The following KCP variants were observed in gnomAD, a reference collection of about 807,000 sequenced individuals.
KCP encodes kielin/chordin-like protein.
A neutral mutation model predicts 212.7 loss-of-function variants in KCP; 194 were observed. That is an observed-to-expected ratio of 0.91 (90% CI 0.81 to 1.03). The LOEUF is 1.03. Among genes scored for constraint, KCP ranks in the 50% least tolerant of loss-of-function variants. The pLI is 0.00. For missense variants in KCP, 2,080 were observed against 2,162.5 expected (o/e 0.96, Z 0.76); for synonymous variants, 833 against 865.3 (o/e 0.96, Z 0.65).
At position 128,893,846 on chromosome 7, in the gene KCP, G is replaced by T. The variant is rs749428911; in HGVS notation, c.1059C>A (p.His353Gln). The T allele has an allele frequency of 1.3e-6, 2 of 1,551,328 alleles. No homozygotes were observed. The highest frequency in any genetic ancestry group is 4.9e-5 in the East Asian group (2 of 40,920). The stretch of plus-strand genomic sequence containing the variant: ...AGCACTGCCCAGGGATCTTGCCTGG[G>T]TGTCTGCAGGGCACTGGCGGGCAGG... The part of the protein sequence containing the change: ...PLPCPPVPCR[H>Q]PGKIPGQCCP... The change falls in exon 11 of 40, where the codon CAC (histidine) becomes CAA (glutamine). Residue 353 changes from histidine (H) to glutamine (Q), a missense_variant. Physicochemically the swap from His to Gln is conservative, Grantham distance 24. Coordinates refer to ENST00000610776, the MANE Select transcript of KCP (RefSeq NM_001366122.1).
intron 26 of KCP, among the ~76,000 whole-genome samples, chr7:128,885,945 A>C (rs1391494878): frequency 6.6e-6 from 1 of 152,064 alleles, no homozygotes; most frequent in East Asian, 1.9e-4. Flanking sequence ...GAGATAATAC[A>C]CGTAAAGTGC....
chr7:128,894,299 G>A lies in KCP; in HGVS notation c.832-6C>T. The A allele has an allele frequency of 6.5e-7, 1 of 1,531,130 alleles. No homozygotes were observed. The highest frequency in any genetic ancestry group is 8.8e-7 in the Non-Finnish European group (1 of 1,134,570). 94.8% of individuals were successfully genotyped at this position (1,531,130 alleles called of 1,614,324 possible). A position where few individuals can be genotyped will look rare whatever the true frequency, so the allele number is the denominator to read the frequency against. On this transcript the variant is annotated splice_polypyrimidine_tract_variant and splice_region_variant and intron_variant, in intron 8 of 39. Transcript: ENST00000610776. ...CGGCACTGGATGTGACCCTCCTGGTGGGGAGAATGAACAGGGGAAGGGGCC... is the reference window on the plus strand; with the variant it reads ...CGGCACTGGATGTGACCCTCCTGGTAGGGAGAATGAACAGGGGAAGGGGCC...
chr7:128,906,871 C>T (rs554992226), intron 4 of KCP, among the ~76,000 whole-genome samples: 1 of 152,240 alleles, frequency 6.6e-6, no homozygotes, highest in East Asian at 1.9e-4. Context: ...CATTCTCTGC[C>T]CTCCATGCCA....
Position 128,888,915 on chromosome 7 carries a change from C to A in KCP, c.2460G>T (p.Pro820=). 1 of 1,550,004 alleles carries A rather than the reference C, an allele frequency of 6.5e-7. No individual in the cohort carries two copies. The highest frequency in any genetic ancestry group is 8.7e-7 in the Non-Finnish European group (1 of 1,146,724). Residue 820 remains proline, a synonymous_variant, in exon 22 of 40, where the codon CCG becomes CCT. Transcript: ENST00000610776. The stretch of plus-strand genomic sequence containing the variant: ...AGGGGATGAGTGGGTGGCTGCAGCC[C>A]GGAGGCTCACAGGGCCGGCGGCCGC... ...VTCGRRPCEP[P]GCSHPLIPSG...
At chr7:128,892,003 G>A (rs1449689661) in intron 16 of KCP, among the ~76,000 whole-genome samples, 184 bp from the exon 17 acceptor site, 7 of 152,214 alleles carry the variant, frequency 4.6e-5, no homozygotes, top group African/African-American at 9.6e-5. Context: ...GTGTGCGTGC[G>A]CATTGGGGGT....
At chr7:128,897,901 G>A (rs1480862829) in intron 8 of KCP, among the ~76,000 whole-genome samples, 1 of 152,188 alleles carries the variant, frequency 6.6e-6, no homozygotes, top group Non-Finnish European at 1.5e-5. Context: ...TTTAAAAAGA[G>A]GAATGTTTAG....
At chr7:128,880,228 G>C in intron 34 of KCP, 143 bp from the exon 35 acceptor site, 2 of 1,285,296 alleles carry the variant, frequency 1.6e-6, no homozygotes, top group Non-Finnish European at 2.1e-6. Context: ...AGTGAGGTCA[G>C]GGCACCACAT....
intron 7 of KCP, 186 bp from the exon 8 acceptor site, chr7:128,903,045 G>A (rs1794944081): frequency 4.9e-6 from 3 of 609,822 alleles, no homozygotes; most frequent in Non-Finnish European, 8.8e-6. Context: ...TGAGGCCTCA[G>A]TTCCTTAGCC....
rs749636638 is a variant in KCP, at chr7:128,903,813, C to T, written c.662G>A (p.Arg221Gln). The change falls in exon 7 of 40, where the codon CGA (arginine) becomes CAA (glutamine). Residue 221 changes from arginine to glutamine, a missense_variant. Arg to Gln is a conservative substitution (Grantham distance 43). Transcript: ENST00000610776. ...PCLQCTCLRS[R>Q]VRCMALKCPP... ...GCACTTCAGGGCCATGCAGCGAACT[C>T]GGCTCCTCTGTAATGCACCAGTGGC... 8.1e-6 allele frequency: 11 copies of T among 1,354,748 alleles called. 1 individual carries two copies. Among genetic ancestry groups the T allele is most frequent in the South Asian group, 7.4e-5 (6 of 81,342 alleles). 83.9% of individuals were successfully genotyped at this position (1,354,748 alleles called of 1,614,324 possible). A position where few individuals can be genotyped will look rare whatever the true frequency, so the allele number is the denominator to read the frequency against.
chr7:128,881,016 C>A lies in KCP; in HGVS notation c.3494G>T (p.Cys1165Phe). 2.5e-6 allele frequency: 1 copy of A among 399,016 alleles called. No individual in the cohort carries two copies. The highest frequency in any genetic ancestry group is 4.4e-6 in the Non-Finnish European group (1 of 226,348). The allele number at this position is 399,016 out of a possible 1,614,324, so 24.7% of individuals were successfully genotyped here. ...GCTCACATGGCAGGTGCAGGCGATGCACGCATTGCTGGGGTCCCGCCAGCT... is the reference window on the plus strand; with the variant it reads ...GCTCACATGGCAGGTGCAGGCGATGAACGCATTGCTGGGGTCCCGCCAGCT... The part of the protein sequence containing the change: ...GESWRDPSNA[C>F]IACTCHRGHV... The change falls in exon 32 of 40, where the codon TGC becomes TTC. Residue 1165 changes from cysteine to phenylalanine, a missense_variant. Coordinates refer to ENST00000610776, the MANE Select transcript of KCP (RefSeq NM_001366122.1).
Position 128,891,544 on chromosome 7 carries a change from G to A in KCP, c.1796-11C>T, listed in dbSNP as rs1260512465. On this transcript the variant is annotated splice_polypyrimidine_tract_variant and intron_variant, in intron 17 of 39. Transcript: ENST00000610776. ...CGCCAAAGGCACAGCCTGGGGGAGG[G>A]AGGGGCTATAGCCTGGGAGAGGGCG... 5.8e-6 allele frequency: 9 copies of A among 1,546,356 alleles called. No homozygotes were observed. Among genetic ancestry groups the A allele is most frequent in the African/African-American group, 1.4e-5 (1 of 73,102 alleles).
chr7:128,884,271 T>A, intron 28 of KCP, 149 bp from the exon 29 acceptor site: 2 of 993,772 alleles, frequency 2.0e-6, no homozygotes, highest in Non-Finnish European at 2.9e-6. Flanking sequence ...AGAGACTCAG[T>A]GTCTTCTAGA....
chr7:128,891,751 C>A lies in KCP; in HGVS notation c.1690G>T (p.Glu564Ter). 6.9e-7 allele frequency: 1 copy of A among 1,444,810 alleles called. No homozygotes were observed. 89.5% of individuals were successfully genotyped at this position (1,444,810 alleles called of 1,614,324 possible). ...SFSHPRDPCQECRCQEGHAHC... is the reference protein window; with the variant it reads ...SFSHPRDPCQ ...GCATGGCCTTCCTGGCATCGGCACTCCTGGCAGGGGTCTCGGGGGTGGGAG... is the reference window on the plus strand; with the variant it reads ...GCATGGCCTTCCTGGCATCGGCACTACTGGCAGGGGTCTCGGGGGTGGGAG... The change falls in exon 17 of 40, where the codon GAG (glutamate) becomes TAG (stop). Residue 564 changes from glutamate (E) to a stop codon, truncating the protein, a stop_gained. Coordinates refer to ENST00000610776, the MANE Select transcript of KCP (RefSeq NM_001366122.1). LOFTEE classifies it high-confidence loss of function.
intron 29 of KCP, among the ~76,000 whole-genome samples, chr7:128,883,181 C>T (rs545111736): frequency 7.3e-5 from 11 of 150,266 alleles, no homozygotes; most frequent in African/African-American, 2.7e-4. Context: ...CGCTCTGTTG[C>T]CAGGTTGCAG....
intron 22 of KCP, among the ~76,000 whole-genome samples, chr7:128,888,004 TACACACCCAC>T (rs1252870644): frequency 7.0e-5 from 5 of 71,676 alleles, no homozygotes; most frequent in Non-Finnish European, 1.5e-4. Context: ...CCCCCCCACA[TACACACCCAC>T]ACACAGCCAC....
intron 22 of KCP, 133 bp downstream of exon 22, chr7:128,888,730 G>T: frequency 1.2e-6 from 1 of 845,966 alleles, no homozygotes; most frequent in Non-Finnish European, 1.8e-6. Flanking sequence ...TATCAAAGGT[G>T]AGGGAGTCGG....
chr7:128,885,413 ACTC>A, intron 26 of KCP, 143 bp from the exon 27 acceptor site: 4 of 803,354 alleles, frequency 5.0e-6, no homozygotes, highest in Non-Finnish European at 7.8e-6. Context: ...ATGGGGCAGA[ACTC>A]CTGTCTGTTG....
At chr7:128,878,785 C>T in intron 37 of KCP, 63 bp from the exon 38 acceptor site, 2 of 1,469,320 alleles carry the variant, frequency 1.4e-6, no homozygotes, top group Non-Finnish European at 1.8e-6. Flanking sequence ...AGCCCAGGGT[C>T]CATCATGGCC....
chr7:128,891,459 G>A lies in KCP; in HGVS notation c.1870C>T (p.Arg624Cys), dbSNP rs769900043. Residue 624 changes from arginine to cysteine, a missense_variant, in exon 18 of 40, where the codon CGC (arginine) becomes TGC (cysteine). Transcript: ENST00000610776. ...PHPSDPCRLC[R>C]CLSGNVQCLA... ...CCCAGGTGCAGACTCACCAGACAGC[G>A]ACACAGACGGCAGGGGTCAGAGGGG... 7 of 1,550,342 alleles carry A rather than the reference G, an allele frequency of 4.5e-6. No homozygotes were observed. The highest frequency in any genetic ancestry group is 1.2e-5 in the South Asian group (1 of 84,054).
Sources: gnomAD v4.1 joint callset for allele counts (sites outside exome capture counted in the v4.1 genomes callset) on GRCh38, gnomAD v4.1.1 for gene constraint, MANE v1.5 for transcripts, NCBI Gene and HGNC (gene_info 2026-07-23, HGNC 2026-07-21) for gene names.